PI4KA: variants seen among roughly 807,000 people sequenced by gnomAD.
PI4KA encodes PI4-kinase alpha.
A neutral mutation model predicts 271.4 loss-of-function variants in PI4KA; 122 were observed. That is an observed-to-expected ratio of 0.45 (90% CI 0.39 to 0.52). PI4KA has a LOEUF of 0.52. Ranked by LOEUF, PI4KA falls within the 20% of genes least tolerant of loss-of-function variation. The probability of loss-of-function intolerance (pLI) is 0.00; values close to 1 mark genes in which losing one functional copy is unlikely to be tolerated. For synonymous variants in PI4KA, 1,041 were observed against 1,078.8 expected (o/e 0.96, Z 0.69); for missense variants, 1,969 against 2,769.1 (o/e 0.71, Z 6.48).
intron 27 of PI4KA, among the ~76,000 whole-genome samples, chr22:20,750,865 T>C (rs181792649): frequency 6.6e-6 from 1 of 152,306 alleles, no homozygotes; most frequent in African/African-American, 2.4e-5. Context: ...ATTCTGCCAG[T>C]TTCCCCATTG....
intron 32 of PI4KA, among the ~76,000 whole-genome samples, chr22:20,738,740 A>G (rs1344260197): frequency 6.6e-6 from 1 of 152,172 alleles, no homozygotes; most frequent in African/African-American, 2.4e-5. Context: ...GCTGGACTCC[A>G]AAAGACCCCA....
intron 1 of PI4KA, among the ~76,000 whole-genome samples, chr22:20,846,579 A>G (rs1392597077): frequency 2.6e-5 from 4 of 152,022 alleles, no homozygotes; most frequent in Non-Finnish European, 5.9e-5. Flanking sequence ...ACAGTGGCCC[A>G]TGCCTGTAAT....
Position 20,840,782 on chromosome 22 carries a change from G to A in PI4KA, c.157-2051C>T, listed in dbSNP as rs770473568. On this transcript the variant is annotated intron_variant, in intron 1 of 54. Coordinates refer to ENST00000255882, the MANE Select transcript of PI4KA (RefSeq NM_058004.4). Reference sequence around the variant, plus strand: ...TGTAATCCCAGCACTTTGGAAGGCCGAGGCAGGAGGATCACTTGAGCCCAG... The same window carrying A: ...TGTAATCCCAGCACTTTGGAAGGCCAAGGCAGGAGGATCACTTGAGCCCAG... 3.0e-4 allele frequency among the ~76,000 whole-genome samples: 45 copies of A among 152,068 alleles called. 1 individual carries two copies. The highest frequency in any genetic ancestry group is 1.0e-3 in the South Asian group (5 of 4,820).
rs142131375 is a variant in PI4KA, at chr22:20,718,802, C to G, written c.5137G>C (p.Asp1713His). The change falls in exon 44 of 55, where the codon GAT becomes CAT. Residue 1713 changes from aspartate to histidine, a missense_variant. Physicochemically the swap from Asp to His is moderately conservative, Grantham distance 81. Transcript: ENST00000255882. ...QKDPDIGDLLDQLVEEITGSL... is the reference protein window; with the variant it reads ...QKDPDIGDLLHQLVEEITGSL... Reference sequence around the variant, plus strand: ...CCTGTGATCTCCTCTACCAACTGATCCAGGAGGTCGCCGATGTCAGCTGCC... The same window carrying G: ...CCTGTGATCTCCTCTACCAACTGATGCAGGAGGTCGCCGATGTCAGCTGCC... 146 of 1,613,884 alleles carry G rather than the reference C, an allele frequency of 9.0e-5. 1 individual carries two copies. The highest frequency in any genetic ancestry group is 6.7e-4 in the Middle Eastern group (4 of 5,942).
chr22:20,823,985 C>T (rs1923049240), intron 4 of PI4KA, among the ~76,000 whole-genome samples: 1 of 151,806 alleles, frequency 6.6e-6, no homozygotes, highest in South Asian at 2.1e-4. Flanking sequence ...CAATCCCCAA[C>T]AAAGAGCAAG....
intron 19 of PI4KA, chr22:20,779,511 A>G: frequency 6.2e-7 from 1 of 1,614,048 alleles, no homozygotes; most frequent in East Asian, 2.2e-5. Flanking sequence ...CACCGTCACC[A>G]ACGACTGGAT....
intron 4 of PI4KA, among the ~76,000 whole-genome samples, chr22:20,821,678 G>A (rs1172352434): frequency 2.6e-5 from 4 of 151,490 alleles, no homozygotes; most frequent in South Asian, 2.1e-4. Flanking sequence ...CACAACCTCC[G>A]CCTCCTGGGT....
rs570069942 is a variant in PI4KA at position 20,709,908 on chromosome 22, T to C, written c.6173A>G (p.Lys2058Arg). 25 of 1,592,050 alleles carry C rather than the reference T, an allele frequency of 1.6e-5. No individual in the cohort carries two copies. In the South Asian group the frequency reaches 2.4e-4, roughly 15 times the overall value. The change falls in exon 53 of 55, where the codon AAG becomes AGG. Residue 2058 changes from lysine to arginine, a missense_variant and splice_region_variant. Physicochemically the swap from Lys to Arg is conservative, Grantham distance 26. Around this residue, in one of 13 missense-constraint regions of PI4KA, gnomAD observed 110 missense variants for 349.8 expected, o/e 0.31. Transcript: ENST00000255882. ...CFRGQTIKLL[K>R]HRFSPNMTER... ...CCTGCGTGTCCACCAAGGAACCTAC[T>C]TCAAGAGCTTGATTGTCTGGCCGCG...
intron 43 of PI4KA, among the ~76,000 whole-genome samples, chr22:20,720,896 C>T (rs1221018915): frequency 6.6e-6 from 1 of 152,252 alleles, no homozygotes; most frequent in African/African-American, 2.4e-5. Context: ...TCACATTAAA[C>T]AGCGCTCTTT....
intron 19 of PI4KA, chr22:20,779,942 C>T: frequency 6.2e-7 from 1 of 1,614,208 alleles, no homozygotes; most frequent in Non-Finnish European, 8.5e-7. Flanking sequence ...ATCGCCTCTT[C>T]AGGAGGAATT....
At chr22:20,806,481 C>T (rs1207072778) in intron 10 of PI4KA, among the ~76,000 whole-genome samples, 1 of 151,880 alleles carries the variant, frequency 6.6e-6, no homozygotes, top group African/African-American at 2.4e-5. Flanking sequence ...ACCAGCCTGG[C>T]CAACATGGTA....
At chr22:20,774,352 C>A (rs1933073008) in intron 19 of PI4KA, among the ~76,000 whole-genome samples, 1 of 152,112 alleles carries the variant, frequency 6.6e-6, no homozygotes, top group Non-Finnish European at 1.5e-5. Context: ...AGAATAGGAG[C>A]TGTGGAATAG....
At chr22:20,775,501 G>A (rs773079161) in intron 19 of PI4KA, among the ~76,000 whole-genome samples, 1 of 152,240 alleles carries the variant, frequency 6.6e-6, no homozygotes, top group Non-Finnish European at 1.5e-5. Flanking sequence ...TCTGAATACC[G>A]GGATAAAACA....
At chr22:20,825,294 T>G (rs1923262289) in intron 3 of PI4KA, among the ~76,000 whole-genome samples, 1 of 152,132 alleles carries the variant, frequency 6.6e-6, no homozygotes, top group Non-Finnish European at 1.5e-5. Flanking sequence ...TAATTTGTAG[T>G]CCATCAAATT....
intron 14 of PI4KA, among the ~76,000 whole-genome samples, chr22:20,801,367 C>T (rs919811819): frequency 3.3e-5 from 5 of 151,424 alleles, no homozygotes; most frequent in East Asian, 2.0e-4. Flanking sequence ...AGGCGGATCA[C>T]GAGGTCACAA....
At chr22:20,713,842 C>T (rs12053807) in intron 47 of PI4KA, among the ~76,000 whole-genome samples, 10,389 of 152,312 alleles carry the variant, frequency 0.068, 341 homozygotes, top group East Asian at 0.079. Flanking sequence ...TGAAGAGTGT[C>T]TCCCTAAAAT....
At chr22:20,855,087 G>A (rs1259044315) in intron 1 of PI4KA, among the ~76,000 whole-genome samples, 2 of 151,298 alleles carry the variant, frequency 1.3e-5, no homozygotes, top group Non-Finnish European at 2.9e-5. Context: ...GGGAGGTGGA[G>A]GTTGCAGTGA....
At position 20,811,085 on chromosome 22, in the gene PI4KA, T is replaced by C. The variant is rs890206164; in HGVS notation, c.1006-53A>G. 61 of 1,331,000 alleles carry C rather than the reference T, an allele frequency of 4.6e-5. No individual in the cohort carries two copies. In the African/African-American group the frequency reaches 7.3e-4, roughly 16 times the overall value. The allele number at this position is 1,331,000 out of a possible 1,614,324, so 82.4% of individuals were successfully genotyped here. On this transcript the variant is annotated intron_variant, in intron 8 of 54. Transcript: ENST00000255882. ...CAACTGACATACACAGAGACAGGAA[T>C]GCTAGCTCCTTCTACCGAAAACCCA...
At chr22:20,742,117 G>T in intron 32 of PI4KA, 111 bp downstream of exon 32, 2 of 1,091,164 alleles carry the variant, frequency 1.8e-6, no homozygotes, top group Non-Finnish European at 1.3e-6. Context: ...GCTTGAGAAG[G>T]TGAGGGGCTT....
Sources: allele counts gnomAD v4.1 joint callset (sites outside exome capture counted in the v4.1 genomes callset), GRCh38; gene constraint gnomAD v4.1.1; regional missense constraint gnomAD v4.1.1; transcripts MANE v1.5; gene names NCBI Gene and HGNC (gene_info 2026-07-23, HGNC 2026-07-21).